The following TRIOBP variants were observed in gnomAD, a reference collection of about 807,000 sequenced individuals.
The protein encoded by TRIOBP is TRIO and F-actin binding protein, also known as TRIO and F-actin-binding protein.
TRIOBP carries 169 observed loss-of-function variants against 238.8 expected under a neutral mutation model. That is an observed-to-expected ratio of 0.71 (90% CI 0.62 to 0.80). TRIOBP has a LOEUF of 0.80. Ranked by LOEUF, TRIOBP falls within the 30% of genes least tolerant of loss-of-function variation. TRIOBP has a pLI of 0.00. For missense variants in TRIOBP, 2,838 were observed against 3,122.6 expected (o/e 0.91, Z 2.17); for synonymous variants, 1,150 against 1,274.4 (o/e 0.90, Z 2.08).
chr22:37,718,877 T>G (rs1240912349), intron 6 of TRIOBP, among the ~76,000 whole-genome samples: 1 of 142,480 alleles, frequency 7.0e-6, no homozygotes. Context: ...GATGGAGTCT[T>G]GCTCTGTTCC....
intron 21 of TRIOBP, among the ~76,000 whole-genome samples, chr22:37,770,758 C>G (rs1328888962): frequency 4.6e-5 from 7 of 150,864 alleles, no homozygotes; most frequent in African/African-American, 1.5e-4. Flanking sequence ...TCTCGGCTCA[C>G]TGCAAGCTCC....
At chr22:37,705,137 G>A (rs1922866196) in intron 3 of TRIOBP, among the ~76,000 whole-genome samples, 4 of 151,934 alleles carry the variant, frequency 2.6e-5, no homozygotes, top group Admixed American at 2.6e-4. Context: ...CACTTTACGA[G>A]GCCGAGACGG....
At chr22:37,750,281 C>T (rs1236541556) in intron 11 of TRIOBP, among the ~76,000 whole-genome samples, 1 of 152,272 alleles carries the variant, frequency 6.6e-6, no homozygotes, top group Non-Finnish European at 1.5e-5. Flanking sequence ...TCGCCTGGGA[C>T]TGCCCAGTGG....
chr22:37,697,455 C>G (rs1467083268), intron 1 of TRIOBP, 133 bp from the exon 2 acceptor site: 1 of 152,164 alleles, frequency 6.6e-6, no homozygotes, highest in Non-Finnish European at 1.5e-5. Flanking sequence ...CCGATGCGCC[C>G]CTCTTCCACC....
intron 14 of TRIOBP, 111 bp downstream of exon 14, chr22:37,755,301 A>G (rs972896942): frequency 1.7e-6 from 2 of 1,172,196 alleles, no homozygotes; most frequent in African/African-American, 3.0e-5. Flanking sequence ...CCCTTCACTC[A>G]TTTACCCAGA....
intron 5 of TRIOBP, among the ~76,000 whole-genome samples, chr22:37,714,396 C>T (rs910184807): frequency 3.3e-5 from 5 of 152,208 alleles, no homozygotes; most frequent in African/African-American, 1.2e-4. Flanking sequence ...AGACTGGGTG[C>T]GGTGGCTCAC....
chr22:37,713,556 G>A, intron 5 of TRIOBP, 145 bp downstream of exon 5: 6 of 1,028,628 alleles, frequency 5.8e-6, no homozygotes, highest in South Asian at 1.3e-5. Flanking sequence ...TGGCAGCTCG[G>A]GCCACCCCGG....
In TRIOBP at chr22:37,755,549, G is replaced by C; in HGVS notation, c.5578-1G>C. 6.2e-7 allele frequency: 1 copy of C among 1,613,766 alleles called. No homozygotes were observed. Among genetic ancestry groups the C allele is most frequent in the Non-Finnish European group, 8.5e-7 (1 of 1,179,844 alleles). ...AACCTACCCATGCGGTGGCCTTGCAGACCAAGGATGCTGTCTATACCTTGT... is the reference window on the plus strand; with the variant it reads ...AACCTACCCATGCGGTGGCCTTGCACACCAAGGATGCTGTCTATACCTTGT... On this transcript the variant is annotated splice_acceptor_variant, in intron 14 of 23. Coordinates refer to ENST00000644935, the MANE Select transcript of TRIOBP (RefSeq NM_001039141.3). LOFTEE classifies it high-confidence loss of function.
chr22:37,701,594 C>T (rs914235433), intron 3 of TRIOBP, 115 bp downstream of exon 3: 13 of 741,828 alleles, frequency 1.8e-5, no homozygotes, highest in South Asian at 1.1e-4. Context: ...TTCCTCCTGT[C>T]GAGAGCCTCG....
In TRIOBP at chr22:37,772,627, C is replaced by T. The variant is rs559384375; in HGVS notation, c.6963C>T (p.Tyr2321=). 3.7e-6 allele frequency: 6 copies of T among 1,614,128 alleles called. No individual in the cohort carries two copies. The Admixed American group carries it at 5.0e-5, about 13-fold the overall frequency. Reference sequence around the variant, plus strand: ...ACAAGCGCTTCACCTCGGGAAAGTACCAGGACGTCTATGTGGAGCTGAGCC... The same window carrying T: ...ACAAGCGCTTCACCTCGGGAAAGTATCAGGACGTCTATGTGGAGCTGAGCC... The part of the protein sequence containing the change: ...QKDKRFTSGK[Y]QDVYVELSHI... Residue 2321 remains tyrosine, a synonymous_variant, in exon 23 of 24, where the codon TAC becomes TAT. Transcript: ENST00000644935.
At chr22:37,715,478 G>A (rs1316678420) in intron 5 of TRIOBP, among the ~76,000 whole-genome samples, 2 of 152,008 alleles carry the variant, frequency 1.3e-5, no homozygotes, top group African/African-American at 4.8e-5. Flanking sequence ...AAGTAGCTGG[G>A]ACTACAGGTG....
At chr22:37,772,319 A>G (rs1926822039) in intron 22 of TRIOBP, among the ~76,000 whole-genome samples, 1 of 152,202 alleles carries the variant, frequency 6.6e-6, no homozygotes, top group Non-Finnish European at 1.5e-5. Context: ...GCACCCAGCC[A>G]GGCTGACCTG....
At position 37,760,617 on chromosome 22, in the gene TRIOBP, A is replaced by G. The variant is rs6000882; in HGVS notation, c.6324+1353A>G. ...TTGTTAATGGCTGTGCTTAACAACT[A>G]CATCACAGAATTACTAAAAATTTGA... On this transcript the variant is annotated intron_variant, in intron 17 of 23. Transcript: ENST00000644935. Among the ~76,000 whole-genome samples the G allele has an allele frequency of 6.8e-3, 1,039 of 152,360 alleles. 12 individuals carry two copies. The highest frequency in any genetic ancestry group is 0.023 in the African/African-American group (967 of 41,580).
Position 37,740,933 on chromosome 22 carries a change from G to A in TRIOBP, c.5223G>A (p.Pro1741=), listed in dbSNP as rs754656239. ...KRPAEGKAGS[P]LKGRLVTSWR... ...CAGCAGAGGGCAAGGCTGGGAGCCCGCTCAAGGGCCGACTGGTGACCTCAT... is the reference window on the plus strand; with the variant it reads ...CAGCAGAGGGCAAGGCTGGGAGCCCACTCAAGGGCCGACTGGTGACCTCAT... Residue 1741 remains proline, a synonymous_variant, in exon 11 of 24, where the codon CCG becomes CCA. Transcript: ENST00000644935. The A allele has an allele frequency of 5.1e-6, 8 of 1,571,534 alleles. No individual in the cohort carries two copies. In the East Asian group the frequency reaches 6.9e-5, roughly 14 times the overall value.
In TRIOBP at chr22:37,705,456, GA is replaced by G. The variant is rs61120679; in HGVS notation, c.114+3978del. 4.0e-3 allele frequency among the ~76,000 whole-genome samples: 609 copies of G among 152,292 alleles called. 4 individuals are homozygous for G. Among genetic ancestry groups the G allele is most frequent in the African/African-American group, 0.014 (577 of 41,572 alleles). On this transcript the variant is annotated intron_variant, in intron 3 of 23. Coordinates refer to ENST00000644935, the MANE Select transcript of TRIOBP (RefSeq NM_001039141.3). ...ACATCGGGCTGGAGAGGACAGGCAAGAGGGGGGCACAGAGGAGCTATAGGAC... is the reference window on the plus strand; with the variant it reads ...ACATCGGGCTGGAGAGGACAGGCAAGGGGGGGCACAGAGGAGCTATAGGAC...
chr22:37,752,145 G>C (rs572761031), intron 12 of TRIOBP, among the ~76,000 whole-genome samples: 20 of 152,284 alleles, frequency 1.3e-4, no homozygotes, highest in African/African-American at 3.9e-4. Flanking sequence ...CGTAGAAGCT[G>C]TCTGGCCCGA....
At chr22:37,758,540 C>T (rs1026537248) in intron 16 of TRIOBP, among the ~76,000 whole-genome samples, 1 of 152,090 alleles carries the variant, frequency 6.6e-6, no homozygotes, top group African/African-American at 2.4e-5. Flanking sequence ...GCTGGGCGTG[C>T]TGGTGCATAC....
At chr22:37,734,326 G>A (rs2145842024) in intron 8 of TRIOBP, 73 bp from the exon 9 acceptor site, 4 of 1,370,216 alleles carry the variant, frequency 2.9e-6, no homozygotes, top group Non-Finnish European at 3.1e-6. Flanking sequence ...CTCTCTGGGG[G>A]CCTAAGAAAG....
At chr22:37,751,237 C>G (rs183588619) in intron 11 of TRIOBP, 1 of 353,776 alleles carries the variant, frequency 2.8e-6, no homozygotes, top group Admixed American at 4.2e-5. Flanking sequence ...CCAAAGAGAT[C>G]TAGGCGGGGA....
Sources: gnomAD v4.1 joint callset for allele counts (sites outside exome capture counted in the v4.1 genomes callset) on GRCh38, gnomAD v4.1.1 for gene constraint, MANE v1.5 for transcripts, NCBI Gene and HGNC (gene_info 2026-07-23, HGNC 2026-07-21) for gene names.